LY86: variants seen among roughly 807,000 people sequenced by gnomAD.
The protein encoded by LY86 is lymphocyte antigen 86, also known as MD-1, RP105-associated.
LY86 carries 20 observed loss-of-function variants against 17.3 expected under a neutral mutation model. The ratio of observed to expected loss-of-function variants is 1.15; its 90% CI spans 0.81 to 1.68. The LOEUF is 1.68. LY86 is among the 40% of genes most tolerant of loss of function. The pLI is 0.00. For missense variants in LY86, 200 were observed against 191.9 expected, an observed-to-expected ratio of 1.04 and a Z score of -0.25; for synonymous variants, 74 against 70.6, an observed-to-expected ratio of 1.05 and a Z score of -0.24.
intron 1 of LY86, among the ~76,000 whole-genome samples, chr6:6,601,012 CA>C (rs1203060056): frequency 6.6e-6 from 1 of 152,158 alleles, no homozygotes; most frequent in Non-Finnish European, 1.5e-5. Flanking sequence ...TGCACACTTC[CA>C]AAAAATACCT....
intron 3 of LY86, among the ~76,000 whole-genome samples, chr6:6,643,303 G>T (rs1453215007): frequency 6.6e-6 from 1 of 152,060 alleles, no homozygotes; most frequent in Admixed American, 6.6e-5. Flanking sequence ...AAGACAATTT[G>T]GTCTATACAC....
At chr6:6,593,578 C>G (rs1760599495) in intron 1 of LY86, among the ~76,000 whole-genome samples, 1 of 152,216 alleles carries the variant, frequency 6.6e-6, no homozygotes, top group Non-Finnish European at 1.5e-5. Flanking sequence ...ACTGTGCACT[C>G]AATGTATCTT....
intron 3 of LY86, among the ~76,000 whole-genome samples, chr6:6,646,327 T>C (rs578051761): frequency 6.6e-6 from 1 of 152,286 alleles, no homozygotes; most frequent in East Asian, 1.9e-4. Context: ...ATGCTTCGAA[T>C]ACACAAAGTT....
chr6:6,644,327 C>A (rs935163600), intron 3 of LY86, among the ~76,000 whole-genome samples: 1 of 152,078 alleles, frequency 6.6e-6, no homozygotes, highest in African/African-American at 2.4e-5. Flanking sequence ...AGTTGGAGAC[C>A]AGCCTGGACA....
intron 3 of LY86, among the ~76,000 whole-genome samples, chr6:6,635,859 A>G (rs140432136): frequency 4.6e-5 from 7 of 152,318 alleles, no homozygotes; most frequent in Non-Finnish European, 1.0e-4. Flanking sequence ...TTCACCTGCC[A>G]TTATTATCCC....
chr6:6,605,975 C>T (rs4960222), intron 1 of LY86, among the ~76,000 whole-genome samples: 135,170 of 151,870 alleles, frequency 0.89, 60,221 homozygotes, highest in Middle Eastern at 0.97. Context: ...ACCCAAAGAG[C>T]GACCACCAGC....
At chr6:6,638,662 T>TA in intron 3 of LY86, among the ~76,000 whole-genome samples, 1 of 152,132 alleles carries the variant, frequency 6.6e-6, no homozygotes, top group Non-Finnish European at 1.5e-5. Context: ...TCTATTTTTT[T>TA]TTATTATTAT....
At chr6:6,646,820 C>G (rs1250892141) in intron 3 of LY86, among the ~76,000 whole-genome samples, 1 of 152,154 alleles carries the variant, frequency 6.6e-6, no homozygotes, top group Non-Finnish European at 1.5e-5. Flanking sequence ...AAACTCCAAC[C>G]CAACCATTGA....
intron 3 of LY86, among the ~76,000 whole-genome samples, chr6:6,640,362 A>T (rs1419014023): frequency 1.3e-5 from 2 of 151,916 alleles, no homozygotes; most frequent in Admixed American, 1.3e-4. Context: ...ATTCCAGACC[A>T]GCCTGGGCAA....
chr6:6,595,317 G>A (rs1221904800), intron 1 of LY86, among the ~76,000 whole-genome samples: 1 of 147,656 alleles, frequency 6.8e-6, no homozygotes, highest in Non-Finnish European at 1.5e-5. Flanking sequence ...GGAGGAGGTG[G>A]AAGAGGAGGA....
At chr6:6,604,213 A>G (rs1314802052) in intron 1 of LY86, among the ~76,000 whole-genome samples, 1 of 152,224 alleles carries the variant, frequency 6.6e-6, no homozygotes. Flanking sequence ...CAAAATTCAA[A>G]AAGACAAGGA....
At chr6:6,606,639 G>A (rs1251151060) in intron 1 of LY86, among the ~76,000 whole-genome samples, 1 of 152,220 alleles carries the variant, frequency 6.6e-6, no homozygotes, top group African/African-American at 2.4e-5. Context: ...CTAAGGCCCG[G>A]CGAGAAATTG....
intron 3 of LY86, among the ~76,000 whole-genome samples, chr6:6,632,734 C>A (rs1008427703): frequency 3.3e-5 from 5 of 152,158 alleles, no homozygotes; most frequent in African/African-American, 4.8e-5. Context: ...TAAGGTCAGC[C>A]TCTAAAATTT....
intron 4 of LY86, among the ~76,000 whole-genome samples, chr6:6,653,294 C>T (rs1287666921): frequency 6.6e-6 from 1 of 152,116 alleles, no homozygotes; most frequent in Non-Finnish European, 1.5e-5. Context: ...GTCTCACCTA[C>T]TCCTTCCCTC....
chr6:6,605,856 G>A lies in LY86; in HGVS notation c.136+16986G>A, dbSNP rs530836196. On this transcript the variant is annotated intron_variant, in intron 1 of 4. Transcript: ENST00000230568. ...CCGGTGAATGTTACAGCTCTTAAGG[G>A]GGCATCTGGAGCTCTTCGTTTCTCG... Among the ~76,000 whole-genome samples, 63 of 151,872 alleles carry A rather than the reference G, an allele frequency of 4.1e-4. No homozygotes were observed. The South Asian group carries it at 0.012, about 29-fold the overall frequency.
At chr6:6,641,678 C>A (rs1005862134) in intron 3 of LY86, among the ~76,000 whole-genome samples, 3 of 152,126 alleles carry the variant, frequency 2.0e-5, no homozygotes, top group African/African-American at 7.3e-5. Flanking sequence ...GCAAACGTAC[C>A]AGCAGCCAGG....
At chr6:6,605,644 T>C (rs1408314242) in intron 1 of LY86, among the ~76,000 whole-genome samples, 3 of 152,260 alleles carry the variant, frequency 2.0e-5, no homozygotes, top group Non-Finnish European at 4.4e-5. Flanking sequence ...ATGTTTTCGC[T>C]ATGTTCTACT....
intron 1 of LY86, among the ~76,000 whole-genome samples, chr6:6,621,640 A>C (rs368874576): frequency 6.6e-6 from 1 of 152,226 alleles, no homozygotes; most frequent in Non-Finnish European, 1.5e-5. Context: ...TAGACATCCT[A>C]TGATGTGCAG....
At chr6:6,602,550 T>C (rs779228477) in intron 1 of LY86, among the ~76,000 whole-genome samples, 2 of 152,084 alleles carry the variant, frequency 1.3e-5, no homozygotes, top group Admixed American at 1.3e-4. Context: ...GCACTAAGAA[T>C]TGAGTGCAAG....
Sources: allele counts gnomAD v4.1 joint callset (sites outside exome capture counted in the v4.1 genomes callset), GRCh38; gene constraint gnomAD v4.1.1; transcripts MANE v1.5; gene names NCBI Gene and HGNC (gene_info 2026-07-23, HGNC 2026-07-21).